Variants in ASTN2 observed in about 807,000 individuals in gnomAD.
ASTN2 encodes astrotactin-2.
Under a neutral mutation model 139.8 loss-of-function variants are expected in ASTN2, and 54 were observed. That is an observed-to-expected ratio of 0.39 (90% CI 0.31 to 0.48). The LOEUF (loss-of-function observed/expected upper bound fraction) is 0.48. Among genes scored for constraint, ASTN2 ranks in the 20% least tolerant of loss-of-function variants. The pLI is 0.95. For synonymous variants in ASTN2, 756 were observed against 719.5 expected (o/e 1.05, Z -0.81); for missense variants, 1,565 against 1,725.1 (o/e 0.91, Z 1.64).
chr9:116,920,212 C>T (rs1834563595), intron 10 of ASTN2, among the ~76,000 whole-genome samples: 1 of 152,204 alleles, frequency 6.6e-6, no homozygotes, highest in African/African-American at 2.4e-5. Flanking sequence ...GAGCATGTGG[C>T]TCTGTCTCAG....
chr9:117,371,170 C>T (rs1286566765), intron 1 of ASTN2, among the ~76,000 whole-genome samples: 2 of 151,994 alleles, frequency 1.3e-5, no homozygotes, highest in African/African-American at 4.8e-5. Flanking sequence ...CATAACAATC[C>T]TAAGGGAGGG....
intron 17 of ASTN2, among the ~76,000 whole-genome samples, chr9:116,623,441 G>A (rs1356049041): frequency 1.3e-5 from 2 of 152,064 alleles, no homozygotes; most frequent in Non-Finnish European, 2.9e-5. Context: ...ATCAAACAGG[G>A]AGTCCTCATA....
chr9:116,689,916 T>C (rs1199432893), intron 16 of ASTN2, among the ~76,000 whole-genome samples: 1 of 152,170 alleles, frequency 6.6e-6, no homozygotes, highest in Non-Finnish European at 1.5e-5. Flanking sequence ...CTGAAGGCAG[T>C]CATACTCTGA....
chr9:116,986,323 C>G (rs145572929), intron 7 of ASTN2, among the ~76,000 whole-genome samples: 3 of 152,142 alleles, frequency 2.0e-5, no homozygotes, highest in African/African-American at 7.2e-5. Flanking sequence ...GACCAGCTAC[C>G]CTTCTCTGGA....
chr9:117,112,061 ATACT>A (rs1390040245), intron 4 of ASTN2, among the ~76,000 whole-genome samples: 1 of 152,044 alleles, frequency 6.6e-6, no homozygotes, highest in Non-Finnish European at 1.5e-5. Context: ...AAACTCTCAA[ATACT>A]TAGTAATATG....
At chr9:117,063,426 G>A (rs563421108) in intron 5 of ASTN2, among the ~76,000 whole-genome samples, 13 of 152,278 alleles carry the variant, frequency 8.5e-5, no homozygotes, top group African/African-American at 2.9e-4. Flanking sequence ...TAAATCTCAT[G>A]AGATCTGATG....
chr9:116,625,843 C>A (rs961806812), intron 17 of ASTN2, among the ~76,000 whole-genome samples: 3 of 152,124 alleles, frequency 2.0e-5, no homozygotes, highest in Non-Finnish European at 4.4e-5. Flanking sequence ...GAGGTGTGGA[C>A]CCTGCCACAC....
At chr9:116,764,466 C>T (rs1829754888) in intron 13 of ASTN2, among the ~76,000 whole-genome samples, 1 of 152,116 alleles carries the variant, frequency 6.6e-6, no homozygotes, top group East Asian at 1.9e-4. Context: ...CTGTCCCTTC[C>T]AAGGTGTCAA....
chr9:117,325,486 C>G (rs941818966), intron 1 of ASTN2, among the ~76,000 whole-genome samples: 4 of 152,112 alleles, frequency 2.6e-5, no homozygotes, highest in African/African-American at 9.7e-5. Flanking sequence ...GAGCTGGACA[C>G]CTGGGCTTGA....
intron 20 of ASTN2, among the ~76,000 whole-genome samples, chr9:116,450,003 C>T (rs1848126975): frequency 6.6e-6 from 1 of 152,168 alleles, no homozygotes; most frequent in East Asian, 1.9e-4. Context: ...TCTGAATTTT[C>T]AACCCACAGA....
At chr9:116,562,307 T>C (rs1852954381) in intron 19 of ASTN2, 1 of 152,224 alleles carries the variant, frequency 6.6e-6, no homozygotes. Flanking sequence ...AACCAACGTT[T>C]TTCCAAACTA....
At chr9:116,918,834 T>G (rs1383933627) in intron 10 of ASTN2, among the ~76,000 whole-genome samples, 2 of 152,206 alleles carry the variant, frequency 1.3e-5, no homozygotes, top group Non-Finnish European at 2.9e-5. Context: ...TTAACAAAAT[T>G]TTAAAAAGCA....
intron 19 of ASTN2, among the ~76,000 whole-genome samples, chr9:116,531,392 G>A (rs556175989): frequency 5.1e-4 from 78 of 152,276 alleles, no homozygotes; most frequent in Middle Eastern, 3.4e-3. Context: ...TATACTTTAA[G>A]TTCTAGGGTA....
chr9:116,730,502 G>A (rs1363410294), intron 14 of ASTN2, among the ~76,000 whole-genome samples: 1 of 152,174 alleles, frequency 6.6e-6, no homozygotes, highest in Non-Finnish European at 1.5e-5. Context: ...TATCTGCTCT[G>A]CCTCTCCTGG....
In ASTN2 at chr9:116,790,929, T is replaced by TGAAAGAAAGAAAGAAAGAAAGAAA. The variant is rs758357999; in HGVS notation, c.2396+14679_2396+14702dup. Among the ~76,000 whole-genome samples, 649 of 91,042 alleles carry TGAAAGAAAGAAAGAAAGAAAGAAA rather than the reference T, an allele frequency of 7.1e-3. 51 individuals are homozygous for TGAAAGAAAGAAAGAAAGAAAGAAA. Among genetic ancestry groups the TGAAAGAAAGAAAGAAAGAAAGAAA allele is most frequent in the Non-Finnish European group, 8.8e-3 (389 of 44,246 alleles). The allele number at this position is 91,042 out of a possible 152,430, so 59.7% of individuals were successfully genotyped here. A position where few individuals can be genotyped will look rare whatever the true frequency, so the allele number is the denominator to read the frequency against. Reference sequence around the variant, plus strand: ...AAAGAAAGAGAAAGAAAGGAAGGAATGAAAGAAAGAAAGAAAGAAAGAAAG... The same window carrying TGAAAGAAAGAAAGAAAGAAAGAAA: ...AAAGAAAGAGAAAGAAAGGAAGGAATGAAAGAAAGAAAGAAAGAAAGAAAGAAAGAAAGAAAGAAAGAAAGAAAG... On this transcript the variant is annotated intron_variant, in intron 13 of 22. Coordinates refer to ENST00000313400, the MANE Select transcript of ASTN2 (RefSeq NM_001365068.1).
At chr9:117,212,555 C>A (rs1325551808) in intron 3 of ASTN2, among the ~76,000 whole-genome samples, 2 of 128,802 alleles carry the variant, frequency 1.6e-5, no homozygotes, top group African/African-American at 5.8e-5. Context: ...CTCAAACATT[C>A]CAACAGCAAA....
At chr9:117,388,051 C>T (rs1451405108) in intron 1 of ASTN2, among the ~76,000 whole-genome samples, 1 of 152,126 alleles carries the variant, frequency 6.6e-6, no homozygotes, top group African/African-American at 2.4e-5. Context: ...TTCACCCTTC[C>T]CTCAGCCAGA....
At position 117,312,000 on chromosome 9, in the gene ASTN2, A is replaced by G. The variant is rs7045500; in HGVS notation, c.443-20487T>C. Among the ~76,000 whole-genome samples, 195 of 152,300 alleles carry G rather than the reference A, an allele frequency of 1.3e-3. 1 individual carries two copies. The highest frequency in any genetic ancestry group is 4.1e-3 in the African/African-American group (170 of 41,566). ...CACCACCAATGTGAACCCCAGCTCC[A>G]AAAGTAAGTCCCCAAAAGGCCTTAG... On this transcript the variant is annotated intron_variant, in intron 1 of 22. Coordinates refer to ENST00000313400, the MANE Select transcript of ASTN2 (RefSeq NM_001365068.1).
intron 17 of ASTN2, among the ~76,000 whole-genome samples, chr9:116,629,981 A>G (rs1297852386): frequency 6.6e-6 from 1 of 152,168 alleles, no homozygotes; most frequent in Non-Finnish European, 1.5e-5. Flanking sequence ...CTTGTCAGTT[A>G]GTCCCATATT....
Sources: gnomAD v4.1 joint callset for allele counts (sites outside exome capture counted in the v4.1 genomes callset) on GRCh38, gnomAD v4.1.1 for gene constraint, MANE v1.5 for transcripts, NCBI Gene and HGNC (gene_info 2026-07-23, HGNC 2026-07-21) for gene names.